The following ATP2B2 variants were observed in gnomAD, a reference collection of about 807,000 sequenced individuals.
ATP2B2 encodes plasma membrane calcium-transporting ATPase 2.
Under a neutral mutation model 120.0 loss-of-function variants are expected in ATP2B2, and 15 were observed. That is an observed-to-expected ratio of 0.12 (90% CI 0.08 to 0.19). The LOEUF is 0.19. Ranked by LOEUF, ATP2B2 falls within the 10% of genes least tolerant of loss-of-function variation. The pLI is 1.00. For synonymous variants in ATP2B2, 694 were observed against 700.3 expected (o/e 0.99, Z 0.14); for missense variants, 1,045 against 1,719.8 (o/e 0.61, Z 6.94).
chr3:10,642,634 T>C (rs1265176261), intron 1 of ATP2B2, among the ~76,000 whole-genome samples: 2 of 152,106 alleles, frequency 1.3e-5, no homozygotes, highest in Admixed American at 6.5e-5. Flanking sequence ...ACACATGATT[T>C]TTCATGACCC....
chr3:10,486,623 CAAGGTCCTCCCTGACCACGCTA>C (rs1276298158), intron 1 of ATP2B2, among the ~76,000 whole-genome samples: 2 of 152,100 alleles, frequency 1.3e-5, no homozygotes, highest in African/African-American at 2.4e-5. Context: ...CACCTACTAG[CAAGGTCCTCCCTGACCACGCTA>C]GTGGCAGGGA....
At chr3:10,500,373 G>T (rs1430709592) in intron 1 of ATP2B2, among the ~76,000 whole-genome samples, 1 of 152,094 alleles carries the variant, frequency 6.6e-6, no homozygotes, top group East Asian at 1.9e-4. Flanking sequence ...GACTGCAGTG[G>T]GTTGAACGGT....
chr3:10,547,362 ATG>A, intron 2 of ATP2B2, among the ~76,000 whole-genome samples: 1 of 152,132 alleles, frequency 6.6e-6, no homozygotes, highest in Admixed American at 6.5e-5. Context: ...GTCATATTCT[ATG>A]GTAGTAAGAC....
chr3:10,336,398 C>T, intron 22 of ATP2B2: 1 of 1,177,802 alleles, frequency 8.5e-7, no homozygotes, highest in Non-Finnish European at 1.2e-6. Flanking sequence ...GCAGCCACGG[C>T]AACAACGACA....
intron 7 of ATP2B2, among the ~76,000 whole-genome samples, chr3:10,385,869 C>T (rs969295003): frequency 2.0e-5 from 3 of 152,224 alleles, no homozygotes; most frequent in Non-Finnish European, 2.9e-5. Flanking sequence ...TTGCCTCCTT[C>T]CTTAACTGGC....
At chr3:10,707,506 A>C (rs2071914369) in intron 1 of ATP2B2, among the ~76,000 whole-genome samples, 1 of 152,156 alleles carries the variant, frequency 6.6e-6, no homozygotes, top group South Asian at 2.1e-4. Context: ...GGGCCCCCAC[A>C]CTGAGGAGAA....
rs1294827203 is a variant in ATP2B2 at position 10,402,061 on chromosome 3, AG to A, written c.655+29del. 1 of 1,611,566 alleles carries A rather than the reference AG, an allele frequency of 6.2e-7. No individual in the cohort carries two copies. Among genetic ancestry groups the A allele is most frequent in the African/African-American group, 1.3e-5 (1 of 74,926 alleles). Reference sequence around the variant, plus strand: ...CCCACCTCTGCCGGAATCCAGCTTTAGAACCTGGCTCTGTGGCTGGGACACT... The same window carrying A: ...CCCACCTCTGCCGGAATCCAGCTTTAAACCTGGCTCTGTGGCTGGGACACT... On this transcript the variant is annotated intron_variant, in intron 4 of 22. Coordinates refer to ENST00000360273, the MANE Select transcript of ATP2B2 (RefSeq NM_001001331.4). This position sits in a 1 kb window ranked among gnomAD's most constrained non-coding sequence, Gnocchi z 4.9.
In ATP2B2 at chr3:10,624,239, T is replaced by G. The variant is rs75836973; in HGVS notation, c.-459-4278A>C. Among the ~76,000 whole-genome samples the G allele has an allele frequency of 8.4e-3, 1,287 of 152,326 alleles. 21 individuals carry two copies. The highest frequency in any genetic ancestry group is 0.029 in the African/African-American group (1,226 of 41,568). ...GGGGAATGGTGGCCTCAAAGATCTC[T>G]CAGGTACCTTCCTGCTCTGTCATTC... On this transcript the variant is annotated intron_variant, in intron 1 of 21. Coordinates refer to the ATP2B2 transcript ENST00000646379.
intron 8 of ATP2B2, among the ~76,000 whole-genome samples, chr3:10,384,209 G>C (rs1382856649): frequency 6.6e-6 from 1 of 152,192 alleles, no homozygotes; most frequent in Non-Finnish European, 1.5e-5. Flanking sequence ...GCAGGGGATG[G>C]GAGGCTGCGG....
intron 5 of ATP2B2, among the ~76,000 whole-genome samples, chr3:10,396,421 T>A (rs2062039050): frequency 6.6e-6 from 1 of 152,222 alleles, no homozygotes; most frequent in African/African-American, 2.4e-5. Flanking sequence ...TTTCCTGCCC[T>A]CTTCTAAGCT....
chr3:10,371,686 G>A (rs2061246778), intron 12 of ATP2B2, 123 bp downstream of exon 12: 1 of 1,461,926 alleles, frequency 6.8e-7, no homozygotes, highest in African/African-American at 1.4e-5. Context: ...CTTACTATCT[G>A]ACCATACCAA....
chr3:10,468,515 C>T (rs2064850125), intron 1 of ATP2B2, among the ~76,000 whole-genome samples: 1 of 152,258 alleles, frequency 6.6e-6, no homozygotes, highest in African/African-American at 2.4e-5. Flanking sequence ...CAGCCCAGCC[C>T]TCTCCTACAG....
intron 1 of ATP2B2, among the ~76,000 whole-genome samples, chr3:10,504,683 C>T (rs1267834619): frequency 6.6e-6 from 1 of 152,142 alleles, no homozygotes; most frequent in Admixed American, 6.5e-5. Flanking sequence ...CCTGAGGCCC[C>T]CTGCTGCATT....
At chr3:10,386,076 G>A (rs528074322) in intron 7 of ATP2B2, among the ~76,000 whole-genome samples, 5 of 152,298 alleles carry the variant, frequency 3.3e-5, no homozygotes, top group Non-Finnish European at 5.9e-5. Flanking sequence ...GTGTTCTATG[G>A]GCAGGAAGAG....
intron 1 of ATP2B2, among the ~76,000 whole-genome samples, chr3:10,625,065 G>A (rs1223416023): frequency 1.3e-5 from 2 of 152,186 alleles, no homozygotes; most frequent in Non-Finnish European, 2.9e-5. Context: ...AATTTTTCGA[G>A]TAAATAATAC....
intron 3 of ATP2B2, among the ~76,000 whole-genome samples, chr3:10,407,656 C>CT (rs900216701): frequency 2.0e-5 from 3 of 152,312 alleles, no homozygotes. Flanking sequence ...GGTGCTGGGG[C>CT]TTTGGAACCT....
At chr3:10,416,530 C>T (rs551903656) in intron 2 of ATP2B2, among the ~76,000 whole-genome samples, 2 of 152,308 alleles carry the variant, frequency 1.3e-5, no homozygotes, top group South Asian at 4.1e-4. Context: ...TGACATCTAG[C>T]TCACCAAGGG....
chr3:10,640,562 C>T (rs2070144077), intron 1 of ATP2B2, among the ~76,000 whole-genome samples: 1 of 152,166 alleles, frequency 6.6e-6, no homozygotes, highest in Admixed American at 6.5e-5. Context: ...TCTCAGGGAT[C>T]TGAGACCTGG....
Position 10,449,739 on chromosome 3 carries a change from C to T in ATP2B2, c.-196G>A, listed in dbSNP as rs1189827074. 32 of 680,190 alleles carry T rather than the reference C, an allele frequency of 4.7e-5. No individual in the cohort carries two copies. Among genetic ancestry groups the T allele is most frequent in the Non-Finnish European group, 7.6e-5 (29 of 380,304 alleles). 42.1% of individuals were successfully genotyped at this position (680,190 alleles called of 1,614,324 possible). A position where few individuals can be genotyped will look rare whatever the true frequency, so the allele number is the denominator to read the frequency against. ...AGTGGTGGTGAGCTCCAAGAGGTGT[C>T]CTCCGGTGTGGGACGAGGTCCAGGG... On this transcript the variant is annotated 5_prime_UTR_variant, in exon 2 of 23. Coordinates refer to ENST00000360273, the MANE Select transcript of ATP2B2 (RefSeq NM_001001331.4).
Sources: gnomAD v4.1 joint callset for allele counts (sites outside exome capture counted in the v4.1 genomes callset) on GRCh38, gnomAD v4.1.1 for gene constraint, Gnocchi (gnomAD v3.1) non-coding constraint, MANE v1.5 for transcripts, NCBI Gene and HGNC (gene_info 2026-07-23, HGNC 2026-07-21) for gene names.